The following HSBP1L1 variants were observed in gnomAD, a reference collection of about 807,000 sequenced individuals.
The protein encoded by HSBP1L1 is heat shock factor binding protein 1 like 1, also known as heat shock factor-binding protein 1-like protein 1.
A neutral mutation model predicts 9.7 loss-of-function variants in HSBP1L1; 8 were observed. The ratio of observed to expected loss-of-function variants is 0.82; its 90% CI spans 0.48 to 1.48. HSBP1L1 has a LOEUF of 1.48. Among genes scored for constraint, HSBP1L1 ranks in the 40% most tolerant of loss-of-function variants. The probability of loss-of-function intolerance (pLI) is 0.00; values close to 1 mark genes in which losing one functional copy is unlikely to be tolerated. For missense variants in HSBP1L1, 106 were observed against 95.8 expected (o/e 1.11, Z -0.44); for synonymous variants, 39 against 34.4 (o/e 1.13, Z -0.46).
chr18:79,969,859 T>C (rs574176427), intron 3 of HSBP1L1, among the ~76,000 whole-genome samples: 192 of 152,368 alleles, frequency 1.3e-3, no homozygotes, highest in African/African-American at 4.4e-3. Context: ...ATTTGACTAA[T>C]ATTGTTTCCA....
chr18:79,965,899 T>G (rs1431977588), intron 1 of HSBP1L1, among the ~76,000 whole-genome samples: 1 of 152,168 alleles, frequency 6.6e-6, no homozygotes, highest in Non-Finnish European at 1.5e-5. Flanking sequence ...AGTCAACAGA[T>G]TTATGGATGG....
rs1491250431 is a variant in HSBP1L1 at position 79,969,345 on chromosome 18, AAG to A, written c.214-1093_214-1092del. Among the ~76,000 whole-genome samples, 384 of 38,428 alleles carry A rather than the reference AAG, an allele frequency of 1.0e-2. 13 individuals are homozygous for A. The highest frequency in any genetic ancestry group is 0.049 in the East Asian group (25 of 510). 25.2% of individuals were successfully genotyped at this position (38,428 alleles called of 152,430 possible). ...AGAAAGAAAGAAAAAGAAAGAAAGA[AAG>A]AAAGAAAGAAAGAAAGAAAGAAAGA... On this transcript the variant is annotated intron_variant, in intron 3 of 3. Coordinates refer to ENST00000451882, the MANE Select transcript of HSBP1L1 (RefSeq NM_001136180.2).
rs908985398 is a variant in HSBP1L1, at chr18:79,968,017, C to T, written c.119-72C>T. 9.2e-6 allele frequency: 8 copies of T among 869,786 alleles called. No individual in the cohort carries two copies. The East Asian group carries it at 2.2e-4, about 24-fold the overall frequency. The allele number at this position is 869,786 out of a possible 1,614,324, so 53.9% of individuals were successfully genotyped here. On this transcript the variant is annotated intron_variant, in intron 2 of 3. Transcript: ENST00000451882. ...TTGCATGTGCCATGGGAGGCGGAGT[C>T]TCTGAGGACATCCTGGCTGTGCCTC...
chr18:79,970,262 G>T, intron 3 of HSBP1L1, 178 bp from the exon 4 acceptor site: 3 of 570,672 alleles, frequency 5.3e-6, no homozygotes, highest in South Asian at 4.6e-5. Context: ...TTAAGTCAGG[G>T]CAAGGTAGAC....
chr18:79,969,977 C>G (rs1216831554), intron 3 of HSBP1L1: 1 of 163,366 alleles, frequency 6.1e-6, no homozygotes, highest in Non-Finnish European at 1.4e-5. Flanking sequence ...TTAGCTGCCA[C>G]AAGTAATTTC....
chr18:79,970,604 A>G lies in HSBP1L1; in HGVS notation c.*153A>G, dbSNP rs983723240. The G allele has an allele frequency of 1.4e-5, 9 of 623,808 alleles. No individual in the cohort carries two copies. Among genetic ancestry groups the G allele is most frequent in the African/African-American group, 1.3e-4 (7 of 54,758 alleles). 38.6% of individuals were successfully genotyped at this position (623,808 alleles called of 1,614,324 possible). ...TCTCCCCTCCGTGCCTGCACCAGAG[A>G]AGGAGGCCATCGGCAAGCCAAGGAG... On this transcript the variant is annotated 3_prime_UTR_variant, in exon 4 of 4. Coordinates refer to ENST00000451882, the MANE Select transcript of HSBP1L1 (RefSeq NM_001136180.2).
rs1392238720 is a variant in HSBP1L1, at chr18:79,969,195, GAAAGGAAA to G, written c.213+1013_213+1020del. Among the ~76,000 whole-genome samples the G allele has an allele frequency of 9.8e-4, 39 of 39,944 alleles. No individual in the cohort carries two copies. In the South Asian group the frequency reaches 9.8e-3, roughly 10 times the overall value. 26.2% of individuals were successfully genotyped at this position (39,944 alleles called of 152,430 possible). ...CAGAGCGAGACAACATGAAAGAAAA[GAAAGGAAA>G]GAAAGAAAGAAAGAAAGAAAGAGGA... On this transcript the variant is annotated intron_variant, in intron 3 of 3. Coordinates refer to ENST00000451882, the MANE Select transcript of HSBP1L1 (RefSeq NM_001136180.2).
intron 3 of HSBP1L1, among the ~76,000 whole-genome samples, chr18:79,969,784 C>T (rs1182828924): frequency 3.3e-5 from 5 of 152,118 alleles, no homozygotes; most frequent in Non-Finnish European, 7.4e-5. Flanking sequence ...AGATTCATGT[C>T]GACACGTGTC....
intron 2 of HSBP1L1, 41 bp downstream of exon 2, chr18:79,966,719 G>T: frequency 7.3e-7 from 1 of 1,360,790 alleles, no homozygotes; most frequent in South Asian, 1.3e-5. Flanking sequence ...GATTCTTTCG[G>T]ACTGGTAGAT....
At chr18:79,967,767 T>A in intron 2 of HSBP1L1, 1 of 212,324 alleles carries the variant, frequency 4.7e-6, no homozygotes, top group Middle Eastern at 1.8e-3. Context: ...AGCAAGACCC[T>A]ACAAACAAAA....
At chr18:79,965,684 G>A (rs1331661170) in intron 1 of HSBP1L1, among the ~76,000 whole-genome samples, 2 of 152,176 alleles carry the variant, frequency 1.3e-5, no homozygotes, top group South Asian at 2.1e-4. Flanking sequence ...GCAGGGTCAC[G>A]AGATTTTCTC....
At position 79,969,383 on chromosome 18, in the gene HSBP1L1, GAAAGAAAGAAAAAAA is replaced by G. The variant is rs2051282063; in HGVS notation, c.214-1054_214-1040del. Among the ~76,000 whole-genome samples, 7 of 59,146 alleles carry G rather than the reference GAAAGAAAGAAAAAAA, an allele frequency of 1.2e-4. No homozygotes were observed. In the South Asian group the frequency reaches 2.6e-3, roughly 22 times the overall value. 38.8% of individuals were successfully genotyped at this position (59,146 alleles called of 152,430 possible). Reference sequence around the variant, plus strand: ...AGAAAGAAAGAAAGAAAGAAAGAAAGAAAGAAAGAAAAAAAAACGATGCAGAATAGCGCCCACGTT... The same window carrying G: ...AGAAAGAAAGAAAGAAAGAAAGAAAGAACGATGCAGAATAGCGCCCACGTT... On this transcript the variant is annotated intron_variant, in intron 3 of 3. Coordinates refer to ENST00000451882, the MANE Select transcript of HSBP1L1 (RefSeq NM_001136180.2).
intron 1 of HSBP1L1, among the ~76,000 whole-genome samples, chr18:79,965,983 G>C (rs1003918184): frequency 1.3e-5 from 2 of 152,104 alleles, no homozygotes; most frequent in Non-Finnish European, 2.9e-5. Context: ...CCAGGCTGGA[G>C]TGCAGTGGCG....
intron 2 of HSBP1L1, chr18:79,967,082 A>T (rs2051261385): frequency 6.8e-6 from 1 of 148,028 alleles, no homozygotes; most frequent in Non-Finnish European, 1.5e-5. Flanking sequence ...CGGGAGGTGG[A>T]GCTTGCAGTG....
chr18:79,966,928 C>G (rs1599699507), intron 2 of HSBP1L1: 2 of 373,408 alleles, frequency 5.4e-6, no homozygotes, highest in Non-Finnish European at 1.0e-5. Context: ...GTGGGCAGAT[C>G]ACGAGGTCAG....
chr18:79,970,211 TA>T, intron 3 of HSBP1L1: 1 of 480,630 alleles, frequency 2.1e-6, no homozygotes, highest in Non-Finnish European at 3.8e-6. Flanking sequence ...ATCTACCTGG[TA>T]AGTGGTTGTA....
chr18:79,969,394 A>AGAAAG (rs35959688), intron 3 of HSBP1L1, among the ~76,000 whole-genome samples: 10,990 of 79,090 alleles, frequency 0.14, 996 homozygotes, highest in East Asian at 0.19. Context: ...AAAGAAAGAA[A>AGAAAG]AAAAAACGAT....
In HSBP1L1 at chr18:79,970,420, G is replaced by A. The variant is rs1172546115; in HGVS notation, c.214-20G>A. ...ACCTGATAGGAGTTACGGCCTGAAC[G>A]TTTATGTCTCCCTAAATAGCTGAAG... On this transcript the variant is annotated intron_variant, in intron 3 of 3. Coordinates refer to ENST00000451882, the MANE Select transcript of HSBP1L1 (RefSeq NM_001136180.2). 5.6e-6 allele frequency: 4 copies of A among 718,490 alleles called. No individual in the cohort carries two copies. The highest frequency in any genetic ancestry group is 2.0e-5 in the Admixed American group (1 of 50,014). The allele number at this position is 718,490 out of a possible 1,614,324, so 44.5% of individuals were successfully genotyped here.
At chr18:79,969,168 G>A (rs1481854789) in intron 3 of HSBP1L1, among the ~76,000 whole-genome samples, 3 of 141,144 alleles carry the variant, frequency 2.1e-5, no homozygotes, top group South Asian at 2.4e-4. Flanking sequence ...CAGCCTGGGC[G>A]ACAGAGCGAG....
Sources: allele counts gnomAD v4.1 joint callset (sites outside exome capture counted in the v4.1 genomes callset), GRCh38; gene constraint gnomAD v4.1.1; transcripts MANE v1.5; gene names NCBI Gene and HGNC (gene_info 2026-07-23, HGNC 2026-07-21).